The following TTC39B variants were observed in gnomAD, a reference collection of about 807,000 sequenced individuals.
TTC39B encodes tetratricopeptide repeat domain 39B.
A neutral mutation model predicts 96.6 loss-of-function variants in TTC39B; 92 were observed. The ratio of observed to expected loss-of-function variants is 0.95; its 90% CI spans 0.80 to 1.13. The LOEUF is 1.13. TTC39B is among the 50% of genes most tolerant of loss of function. The pLI is 0.00. For missense variants in TTC39B, 955 were observed against 809.3 expected (o/e 1.18, Z -2.18); for synonymous variants, 367 against 299.4 (o/e 1.23, Z -2.33).
chr9:15,207,522 G>A (rs958513438), intron 6 of TTC39B, among the ~76,000 whole-genome samples: 1 of 152,148 alleles, frequency 6.6e-6, no homozygotes, highest in Non-Finnish European at 1.5e-5. Flanking sequence ...AAGAGTTGTG[G>A]CTTAGGGAAA....
chr9:15,242,049 T>A (rs139579355), intron 2 of TTC39B, among the ~76,000 whole-genome samples: 191 of 151,842 alleles, frequency 1.3e-3, no homozygotes, highest in African/African-American at 4.0e-3. Context: ...AGCAGCCTAA[T>A]TAACTCTGAC....
intron 7 of TTC39B, among the ~76,000 whole-genome samples, chr9:15,202,605 G>A (rs557768349): frequency 1.9e-4 from 29 of 151,936 alleles, no homozygotes; most frequent in Non-Finnish European, 2.9e-4. Flanking sequence ...CCAGCTACTC[G>A]GGGGGCTGAG....
chr9:15,208,654 G>T (rs982394170), intron 6 of TTC39B, among the ~76,000 whole-genome samples: 1 of 152,168 alleles, frequency 6.6e-6, no homozygotes, highest in African/African-American at 2.4e-5. Context: ...CTTACAAATA[G>T]TTGGAGGTCA....
chr9:15,265,429 T>C (rs926992938), intron 2 of TTC39B, among the ~76,000 whole-genome samples: 2 of 152,200 alleles, frequency 1.3e-5, no homozygotes, highest in African/African-American at 4.8e-5. Context: ...GTGTCTCCTC[T>C]GGTGAACTCC....
exon 20 of TTC39B, chr9:15,164,986 A>G (rs1588820713): frequency 6.6e-6 from 1 of 152,242 alleles, no homozygotes; most frequent in African/African-American, 2.4e-5. Context: ...AAGAAAAAAC[A>G]AAACACTCTA....
intron 7 of TTC39B, among the ~76,000 whole-genome samples, chr9:15,201,777 TAGAG>T (rs1586859812): frequency 6.6e-6 from 1 of 152,084 alleles, no homozygotes; most frequent in Non-Finnish European, 1.5e-5. Flanking sequence ...GTAGGGAACA[TAGAG>T]AGGAGGTACC....
intron 3 of TTC39B, among the ~76,000 whole-genome samples, chr9:15,220,549 C>T (rs1398868265): frequency 1.3e-5 from 2 of 152,058 alleles, no homozygotes; most frequent in Non-Finnish European, 2.9e-5. Context: ...GATAAAAATG[C>T]AGATGTAAAA....
intron 6 of TTC39B, among the ~76,000 whole-genome samples, chr9:15,207,948 C>A (rs1179653910): frequency 7.4e-6 from 1 of 135,888 alleles, no homozygotes; most frequent in Non-Finnish European, 1.5e-5. Context: ...CATGCCACTG[C>A]ACTCCAGCCT....
intron 1 of TTC39B, among the ~76,000 whole-genome samples, chr9:15,293,089 T>C (rs1824246073): frequency 6.6e-6 from 1 of 152,216 alleles, no homozygotes; most frequent in South Asian, 2.1e-4. Context: ...GGTGTACTGT[T>C]TTTTATATTG....
exon 20 of TTC39B, chr9:15,169,767 T>C (rs990914277): frequency 1.3e-5 from 2 of 152,130 alleles, no homozygotes; most frequent in African/African-American, 2.4e-5. Flanking sequence ...TAAAACAAAA[T>C]ATAAATAACA....
At chr9:15,175,652 T>G (rs533239034) in intron 18 of TTC39B, among the ~76,000 whole-genome samples, 1 of 152,296 alleles carries the variant, frequency 6.6e-6, no homozygotes, top group Non-Finnish European at 1.5e-5. Context: ...CTAACACCAT[T>G]TCAAATGCAT....
intron 2 of TTC39B, among the ~76,000 whole-genome samples, chr9:15,253,024 T>A (rs1224123796): frequency 6.6e-6 from 1 of 152,200 alleles, no homozygotes; most frequent in East Asian, 1.9e-4. Flanking sequence ...ATCCCAAACA[T>A]ACCATATGTA....
chr9:15,180,675 A>G (rs1371363813), intron 17 of TTC39B, among the ~76,000 whole-genome samples: 1 of 152,078 alleles, frequency 6.6e-6, no homozygotes, highest in East Asian at 1.9e-4. Context: ...ACTTCTCTCC[A>G]TTTTCCAACT....
At chr9:15,250,429 T>C (rs926061616) in intron 2 of TTC39B, among the ~76,000 whole-genome samples, 4 of 150,848 alleles carry the variant, frequency 2.7e-5, no homozygotes, top group African/African-American at 9.7e-5. Flanking sequence ...AAAAAAAGAA[T>C]GATCCCTTTT....
rs1286097554 is a variant in TTC39B, at chr9:15,306,858, T to G, written c.240+226A>C. Among the ~76,000 whole-genome samples the G allele has an allele frequency of 6.6e-6, 1 of 151,820 alleles. No individual in the cohort carries two copies. The highest frequency in any genetic ancestry group is 2.0e-4 in the East Asian group (1 of 5,128). On this transcript the variant is annotated intron_variant, in intron 1 of 19. Coordinates refer to ENST00000512701, the Ensembl canonical transcript of TTC39B. The surrounding 1 kb of genome is among the most constrained non-coding windows in gnomAD (Gnocchi z 5.1). ...TCCCCACGACTCGCGGGGCCGGCGCTCCGAACCTCGGCACTGCGTCCGCTC... is the reference window on the plus strand; with the variant it reads ...TCCCCACGACTCGCGGGGCCGGCGCGCCGAACCTCGGCACTGCGTCCGCTC...
chr9:15,200,231 T>C (rs1212703170), intron 7 of TTC39B, among the ~76,000 whole-genome samples: 1 of 152,226 alleles, frequency 6.6e-6, no homozygotes, highest in African/African-American at 2.4e-5. Flanking sequence ...TTAATAAACA[T>C]TGACATCTAC....
chr9:15,173,061 T>A (rs886616366), intron 19 of TTC39B, among the ~76,000 whole-genome samples: 1 of 152,184 alleles, frequency 6.6e-6, no homozygotes, highest in African/African-American at 2.4e-5. Context: ...GTCAGTATTG[T>A]CTTGAGTTAG....
chr9:15,260,605 G>T (rs1043434004), intron 2 of TTC39B, among the ~76,000 whole-genome samples: 2 of 143,308 alleles, frequency 1.4e-5, no homozygotes, highest in Admixed American at 1.3e-4. Flanking sequence ...ATCACCAACT[G>T]ATCTAACCTA....
exon 1 of TTC39B, chr9:15,307,099 C>G: frequency 1.2e-6 from 2 of 1,610,516 alleles, no homozygotes; most frequent in Non-Finnish European, 1.7e-6. Context: ...CCGCTTCCAG[C>G]TCCGCTCGGC....
Sources: gnomAD v4.1 joint callset for allele counts (sites outside exome capture counted in the v4.1 genomes callset) on GRCh38, gnomAD v4.1.1 for gene constraint, Gnocchi (gnomAD v3.1) non-coding constraint, MANE v1.5 for transcripts, NCBI Gene and HGNC (gene_info 2026-07-23, HGNC 2026-07-21) for gene names.